AAK1: variants seen among roughly 807,000 people sequenced by gnomAD.
AAK1 encodes the protein AP2 associated kinase 1, also known as AP2-associated protein kinase 1.
AAK1 carries 37 observed loss-of-function variants against 116.0 expected under a neutral mutation model. The ratio of observed to expected loss-of-function variants is 0.32; its 90% CI spans 0.25 to 0.42. AAK1 has a LOEUF of 0.42. AAK1 is among the 10% of genes least tolerant of loss of function. AAK1 has a pLI of 1.00. For synonymous variants in AAK1, 458 were observed against 439.9 expected, an observed-to-expected ratio of 1.04 and a Z score of -0.51; for missense variants, 919 against 1,170.6, an observed-to-expected ratio of 0.79 and a Z score of 3.14.
intron 17 of AAK1, among the ~76,000 whole-genome samples, chr2:69,491,526 A>G (rs1395966719): frequency 6.6e-6 from 1 of 152,144 alleles, no homozygotes; most frequent in East Asian, 1.9e-4. Flanking sequence ...AGTGCCCTTT[A>G]CCCATAGTTT....
chr2:69,631,153 C>T lies in AAK1; in HGVS notation c.163+11725G>A, dbSNP rs556820205. On this transcript the variant is annotated intron_variant, in intron 2 of 21. Transcript: ENST00000409085. ...CCAGGAAGGACCCAACCTACGATGC[C>T]TTAGTTCCATTCCTTCTTCCTGTCC... Among the ~76,000 whole-genome samples, 526 of 152,316 alleles carry T rather than the reference C, an allele frequency of 3.5e-3. 3 individuals carry two copies. Among genetic ancestry groups the T allele is most frequent in the African/African-American group, 0.012 (503 of 41,570 alleles).
At chr2:69,614,351 G>T (rs1200283744) in intron 2 of AAK1, among the ~76,000 whole-genome samples, 1 of 152,152 alleles carries the variant, frequency 6.6e-6, no homozygotes, top group East Asian at 1.9e-4. Flanking sequence ...AGGGACAGGT[G>T]TAACAGCTGG....
Position 69,461,859 on chromosome 2 carries a change from T to G in AAK1, c.*14010A>C. 2 of 221,960 alleles carry G rather than the reference T, an allele frequency of 9.0e-6. No individual in the cohort carries two copies. The highest frequency in any genetic ancestry group is 9.3e-5 in the South Asian group (2 of 21,512). 13.7% of individuals were successfully genotyped at this position (221,960 alleles called of 1,614,324 possible). ...CACCCACCTCGGCCTCCCAAAGTGC[T>G]GGGATTACAAGCGTGAGCCACCGCG... is the stretch of plus-strand genomic sequence containing the variant. On this transcript the variant is annotated 3_prime_UTR_variant, in exon 22 of 22. Coordinates refer to ENST00000409085, the MANE Select transcript of AAK1 (RefSeq NM_014911.5).
chr2:69,606,488 TTGAATGAA>T (rs201915200), intron 2 of AAK1, among the ~76,000 whole-genome samples: 2 of 152,092 alleles, frequency 1.3e-5, no homozygotes, highest in Non-Finnish European at 2.9e-5. Context: ...CAGCAACTTC[TTGAATGAA>T]TGAATGAATG....
chr2:69,626,695 T>C (rs1239588895), intron 2 of AAK1, among the ~76,000 whole-genome samples: 1 of 145,644 alleles, frequency 6.9e-6, no homozygotes, highest in Non-Finnish European at 1.5e-5. Context: ...AGACAGGGTT[T>C]TGCCATGTTG....
At position 69,475,932 on chromosome 2, in the gene AAK1, A is replaced by G; in HGVS notation, c.2823T>C (p.Ser941=). The change falls in exon 22 of 22, where the codon TCT becomes TCC. Residue 941 remains serine (S), a synonymous_variant. Transcript: ENST00000409085. ...GGHSRNSSGS[S]ESSLPNLARS... is the part of the protein sequence containing the mutation. Reference sequence around the variant, plus strand: ...TGGCTAGGTTGGGAAGACTGGACTCAGAGCTCCCACTGCTGTTTCTAGAGT... The same window carrying G: ...TGGCTAGGTTGGGAAGACTGGACTCGGAGCTCCCACTGCTGTTTCTAGAGT... 1 of 1,612,636 alleles carries G rather than the reference A, an allele frequency of 6.2e-7. No individual in the cohort carries two copies. The highest frequency in any genetic ancestry group is 8.5e-7 in the Non-Finnish European group (1 of 1,179,398).
At chr2:69,532,186 C>A (rs1279097144) in intron 5 of AAK1, 24 bp from the exon 6 acceptor site, 2 of 1,611,934 alleles carry the variant, frequency 1.2e-6, no homozygotes, top group South Asian at 1.1e-5. Flanking sequence ...CCCAACCACC[C>A]ATTCCAAGAT....
chr2:69,637,519 T>G (rs148231848), intron 2 of AAK1, among the ~76,000 whole-genome samples: 1 of 152,210 alleles, frequency 6.6e-6, no homozygotes, highest in Non-Finnish European at 1.5e-5. Flanking sequence ...CACCAAAATA[T>G]GGCTCCATAA....
chr2:69,475,283 C>T lies in AAK1; in HGVS notation c.*586G>A. On this transcript the variant is annotated 3_prime_UTR_variant, in exon 22 of 22. Transcript: ENST00000409085. Reference sequence around the variant, plus strand: ...TCAAAGTTGGTTGGCTAGAGCTGGGCTCAATTTCTCTTCTCAAATATATAC... The same window carrying T: ...TCAAAGTTGGTTGGCTAGAGCTGGGTTCAATTTCTCTTCTCAAATATATAC... The T allele has an allele frequency of 1.0e-6, 1 of 985,910 alleles. No homozygotes were observed. Among genetic ancestry groups the T allele is most frequent in the Non-Finnish European group, 1.2e-6 (1 of 830,036 alleles). The allele number at this position is 985,910 out of a possible 1,614,324, so 61.1% of individuals were successfully genotyped here.
chr2:69,565,082 G>A (rs778063123), intron 2 of AAK1, among the ~76,000 whole-genome samples: 4 of 152,230 alleles, frequency 2.6e-5, no homozygotes, highest in Non-Finnish European at 2.9e-5. Flanking sequence ...ACACAGTCCA[G>A]CTTTAACAAA....
At chr2:69,510,163 C>T (rs1049863039) in intron 13 of AAK1, among the ~76,000 whole-genome samples, 3 of 152,184 alleles carry the variant, frequency 2.0e-5, no homozygotes, top group East Asian at 3.8e-4. Context: ...AAGCCTAGTA[C>T]ACAAGAGTTA....
intron 2 of AAK1, among the ~76,000 whole-genome samples, chr2:69,627,714 C>G (rs1318720219): frequency 3.3e-5 from 5 of 152,214 alleles, no homozygotes; most frequent in Non-Finnish European, 7.4e-5. Context: ...TTCCTCCACA[C>G]AGTCTCCTTA....
intron 2 of AAK1, among the ~76,000 whole-genome samples, chr2:69,619,283 C>A (rs942220027): frequency 6.6e-6 from 1 of 152,152 alleles, no homozygotes; most frequent in East Asian, 1.9e-4. Context: ...ACAACCTTGC[C>A]TCCTTACTCC....
rs957725937 is a variant in AAK1, at chr2:69,477,382, G to C, written c.2681-392C>G. ...TGAAAAACTCAAAACCGGGGCTTGG[G>C]GGCAGGGCAGGGGAGGAGGAAGAGA... On this transcript the variant is annotated intron_variant, in intron 20 of 21. Transcript: ENST00000409085. Among the ~76,000 whole-genome samples, 5 of 152,138 alleles carry C rather than the reference G, an allele frequency of 3.3e-5. No homozygotes were observed. In the South Asian group the frequency reaches 1.0e-3, roughly 32 times the overall value.
chr2:69,584,241 G>A (rs547835373), intron 2 of AAK1, among the ~76,000 whole-genome samples: 3 of 152,282 alleles, frequency 2.0e-5, no homozygotes, highest in African/African-American at 7.2e-5. Flanking sequence ...TAACCAGGCA[G>A]GCGTGACTCC....
chr2:69,496,178 C>T (rs779934109), intron 16 of AAK1, 98 bp from the exon 17 acceptor site: 264 of 787,570 alleles, frequency 3.4e-4, no homozygotes, highest in Non-Finnish European at 4.5e-4. Flanking sequence ...TCTATTAATG[C>T]AACAGTTCAA....
At chr2:69,557,997 T>C (rs1671458588) in intron 2 of AAK1, among the ~76,000 whole-genome samples, 1 of 152,286 alleles carries the variant, frequency 6.6e-6, no homozygotes, top group South Asian at 2.1e-4. Flanking sequence ...TTGGGGAGAC[T>C]TTTTAATGTC....
chr2:69,560,701 A>G lies in AAK1; in HGVS notation c.164-3723T>C, dbSNP rs568086300. On this transcript the variant is annotated intron_variant, in intron 2 of 21. Coordinates refer to ENST00000409085, the MANE Select transcript of AAK1 (RefSeq NM_014911.5). The stretch of plus-strand genomic sequence containing the variant: ...TTCTCCCATTTTCCCTAAAATATAT[A>G]GCATTTTTGGTCTTTCTCCCCCTAA... 6.6e-5 allele frequency among the ~76,000 whole-genome samples: 10 copies of G among 152,306 alleles called. No individual in the cohort carries two copies. In the East Asian group the frequency reaches 1.9e-3, roughly 29 times the overall value.
chr2:69,550,668 T>C (rs1195423298), intron 3 of AAK1, among the ~76,000 whole-genome samples: 1 of 151,972 alleles, frequency 6.6e-6, no homozygotes, highest in Admixed American at 6.6e-5. Context: ...CAGTCTGGAA[T>C]GCAGTGGCAC....
Sources: allele counts gnomAD v4.1 joint callset (sites outside exome capture counted in the v4.1 genomes callset), GRCh38; gene constraint gnomAD v4.1.1; transcripts MANE v1.5; gene names NCBI Gene and HGNC (gene_info 2026-07-23, HGNC 2026-07-21).